Variants in SSBP2 observed in about 807,000 individuals in gnomAD.
SSBP2 encodes single-stranded DNA-binding protein 2.
In SSBP2, 17 loss-of-function variants were observed where a neutral mutation model predicts 61.8. The ratio of observed to expected loss-of-function variants is 0.28; its 90% confidence interval spans 0.19 to 0.41. The LOEUF (loss-of-function observed/expected upper bound fraction) is 0.41, where lower values mean the gene tolerates loss of function less well. SSBP2 is among the 10% of genes least tolerant of loss of function. The pLI is 1.00. For missense variants in SSBP2, 310 were observed against 458.7 expected, an observed-to-expected ratio of 0.68 and a Z score of 2.96; for synonymous variants, 139 against 141.3, an observed-to-expected ratio of 0.98 and a Z score of 0.12.
chr5:81,544,732 G>A (rs555813635), intron 4 of SSBP2, among the ~76,000 whole-genome samples: 2 of 152,234 alleles, frequency 1.3e-5, no homozygotes, highest in South Asian at 4.1e-4. Context: ...AAGGAATATG[G>A]TAGAGACTGG....
chr5:81,630,164 T>A (rs1218347683), intron 3 of SSBP2, among the ~76,000 whole-genome samples: 1 of 152,204 alleles, frequency 6.6e-6, no homozygotes, highest in African/African-American at 2.4e-5. Flanking sequence ...TCCTGAAGAA[T>A]GCATGTTATC....
chr5:81,469,456 C>T (rs937991933), intron 8 of SSBP2, among the ~76,000 whole-genome samples: 3 of 151,800 alleles, frequency 2.0e-5, no homozygotes, highest in African/African-American at 7.2e-5. Flanking sequence ...TAGCCCTCAA[C>T]GCTAACAGAA....
At chr5:81,592,039 C>T (rs989931732) in intron 4 of SSBP2, among the ~76,000 whole-genome samples, 86 of 152,212 alleles carry the variant, frequency 5.7e-4, no homozygotes, top group African/African-American at 8.9e-4. Context: ...GGCGAGGCAT[C>T]GCCTCACCTG....
chr5:81,627,397 C>T (rs1202541868), intron 3 of SSBP2, among the ~76,000 whole-genome samples: 1 of 152,134 alleles, frequency 6.6e-6, no homozygotes, highest in Non-Finnish European at 1.5e-5. Context: ...CTTAGTTTAA[C>T]CCAACTCAAA....
intron 4 of SSBP2, among the ~76,000 whole-genome samples, chr5:81,575,472 A>G (rs1774143149): frequency 6.6e-6 from 1 of 152,202 alleles, no homozygotes; most frequent in African/African-American, 2.4e-5. Flanking sequence ...TCATATGTTA[A>G]TAAATCAAGG....
At chr5:81,667,872 G>A (rs879755458) in intron 1 of SSBP2, among the ~76,000 whole-genome samples, 3 of 152,010 alleles carry the variant, frequency 2.0e-5, no homozygotes, top group Non-Finnish European at 2.9e-5. Flanking sequence ...TTTTCTAGTA[G>A]GTTATAGGTC....
chr5:81,588,216 T>C (rs1169613289), intron 4 of SSBP2, among the ~76,000 whole-genome samples: 1 of 149,796 alleles, frequency 6.7e-6, no homozygotes, highest in Non-Finnish European at 1.5e-5. Flanking sequence ...GTGCTGGGAT[T>C]ACAGGCATGA....
chr5:81,485,355 A>G (rs1233005315), intron 6 of SSBP2, among the ~76,000 whole-genome samples: 1 of 152,168 alleles, frequency 6.6e-6, no homozygotes, highest in African/African-American at 2.4e-5. Flanking sequence ...GTGACATTAT[A>G]TCATATTCCA....
chr5:81,627,282 G>T (rs1747265474), intron 3 of SSBP2, among the ~76,000 whole-genome samples: 1 of 151,528 alleles, frequency 6.6e-6, no homozygotes, highest in Non-Finnish European at 1.5e-5. Flanking sequence ...GTTCTCTATG[G>T]CCTATGTTTT....
rs189481960 is a variant in SSBP2, at chr5:81,465,465, T to C, written c.638+1509A>G. ...TTATTTTAATCTCTCAATGGTCACA[T>C]AGAAACAATTTTTTTCTCTGAACAG... is the stretch of plus-strand genomic sequence containing the variant. On this transcript the variant is annotated intron_variant, in intron 9 of 16. Transcript: ENST00000320672. Among the ~76,000 whole-genome samples, 42 of 152,114 alleles carry C rather than the reference T, an allele frequency of 2.8e-4. No homozygotes were observed. In the East Asian group the frequency reaches 7.3e-3, roughly 27 times the overall value.
chr5:81,421,812 C>T (rs1761631962), intron 16 of SSBP2, among the ~76,000 whole-genome samples: 1 of 152,074 alleles, frequency 6.6e-6, no homozygotes, highest in Non-Finnish European at 1.5e-5. Flanking sequence ...CCATATGTGC[C>T]TACTGAGCAT....
In SSBP2 at chr5:81,750,995, G is replaced by C; in HGVS notation, c.48C>G (p.Ser16Arg). ...GAGACACTTACTTCTCCCGGGCCTGGCTGTCGGACGGGACGGCGCTGCTGT... is the reference window on the plus strand; with the variant it reads ...GAGACACTTACTTCTCCCGGGCCTGCCTGTCGGACGGGACGGCGCTGCTGT... The change falls in exon 1 of 17, where the codon AGC becomes AGG. Residue 16 changes from serine (S) to arginine (R), a missense_variant. By Grantham distance (110) the Ser-to-Arg change is moderately radical. Around this residue, in one of 4 missense-constraint regions of SSBP2, gnomAD observed 36 missense variants for 27.0 expected, o/e 1.33. Coordinates refer to ENST00000320672, the MANE Select transcript of SSBP2 (RefSeq NM_012446.5). 6.3e-7 allele frequency: 1 copy of C among 1,598,480 alleles called. No individual in the cohort carries two copies. Among genetic ancestry groups the C allele is most frequent in the Non-Finnish European group, 8.5e-7 (1 of 1,172,730 alleles).
chr5:81,424,809 A>G (rs1052487760), intron 16 of SSBP2, among the ~76,000 whole-genome samples: 2 of 152,214 alleles, frequency 1.3e-5, no homozygotes, highest in African/African-American at 4.8e-5. Context: ...TGTTAAATGG[A>G]GTATCATATT....
intron 1 of SSBP2, among the ~76,000 whole-genome samples, chr5:81,699,562 T>C (rs1451161213): frequency 6.6e-6 from 1 of 152,212 alleles, no homozygotes; most frequent in African/African-American, 2.4e-5. Context: ...ATTGCAGCAA[T>C]TCAGTCACAT....
intron 4 of SSBP2, among the ~76,000 whole-genome samples, chr5:81,558,150 C>A (rs971351778): frequency 3.3e-5 from 5 of 152,172 alleles, no homozygotes; most frequent in Admixed American, 6.5e-5. Flanking sequence ...TTACAGTACC[C>A]TGTGCTTTCC....
intron 4 of SSBP2, among the ~76,000 whole-genome samples, chr5:81,563,019 T>A (rs559411787): frequency 1.2e-3 from 179 of 152,238 alleles, no homozygotes; most frequent in South Asian, 7.3e-3. Context: ...CCCAACAGGG[T>A]TGTTTTGTAG....
rs758550287 is a variant in SSBP2 at position 81,473,792 on chromosome 5, T to C, written c.500-22A>G. 8 of 1,609,510 alleles carry C rather than the reference T, an allele frequency of 5.0e-6. 1 individual carries two copies. In the South Asian group the frequency reaches 6.6e-5, roughly 13 times the overall value. ...TGTCCTAAAAAAAGTATGAAGACAT[T>C]AGCAAAGTAATGAGCATGAGTACTA... is the stretch of plus-strand genomic sequence containing the variant. On this transcript the variant is annotated intron_variant, in intron 7 of 16. Transcript: ENST00000320672.
intron 2 of SSBP2, among the ~76,000 whole-genome samples, chr5:81,647,051 C>G (rs1015512903): frequency 9.9e-5 from 15 of 152,144 alleles, no homozygotes; most frequent in Admixed American, 3.3e-4. Flanking sequence ...CTAGGATGTA[C>G]TCAGCAATGG....
At chr5:81,488,059 A>ATATATTATATATATACATT (rs1561459572) in intron 6 of SSBP2, among the ~76,000 whole-genome samples, 1 of 65,326 alleles carries the variant, frequency 1.5e-5, no homozygotes, top group Non-Finnish European at 2.8e-5. Context: ...ATATATATAT[A>ATATATTATATATATACATT]AATAAAATAT....
Sources: gnomAD v4.1 joint callset for allele counts (sites outside exome capture counted in the v4.1 genomes callset) on GRCh38, gnomAD v4.1.1 for gene constraint, gnomAD v4.1.1 regional missense constraint, MANE v1.5 for transcripts, NCBI Gene and HGNC (gene_info 2026-07-23, HGNC 2026-07-21) for gene names.